The following CALD1 variants were observed in gnomAD, a reference collection of about 807,000 sequenced individuals.
CALD1 encodes caldesmon 1.
A neutral mutation model predicts 99.9 loss-of-function variants in CALD1; 33 were observed. That is an observed-to-expected ratio of 0.33 (90% confidence interval 0.25 to 0.44). CALD1 has a LOEUF of 0.44. CALD1 is among the 20% of genes least tolerant of loss of function. The pLI, the probability that CALD1 is intolerant of heterozygous loss-of-function variation, is 1.00. For missense variants in CALD1, 861 were observed against 962.1 expected (o/e 0.89, Z 1.39); for synonymous variants, 310 against 325.0 (o/e 0.95, Z 0.50).
At chr7:134,902,762 G>T (rs1803090519) in intron 3 of CALD1, among the ~76,000 whole-genome samples, 1 of 152,178 alleles carries the variant, frequency 6.6e-6, no homozygotes, top group South Asian at 2.1e-4. Flanking sequence ...ACAGTACAAG[G>T]TGCTGGAAAT....
At chr7:134,786,102 T>C (rs905690344) in intron 1 of CALD1, among the ~76,000 whole-genome samples, 3 of 152,182 alleles carry the variant, frequency 2.0e-5, no homozygotes, top group Admixed American at 1.3e-4. Flanking sequence ...TCAAGTACCA[T>C]GTTTTAGTCT....
chr7:134,912,888 G>C (rs1413683072), intron 3 of CALD1, among the ~76,000 whole-genome samples: 2 of 152,150 alleles, frequency 1.3e-5, no homozygotes, highest in Non-Finnish European at 2.9e-5. Flanking sequence ...TGCATGGTTA[G>C]TGGGGCAGAT....
chr7:134,875,076 T>G (rs1451365453), intron 3 of CALD1, among the ~76,000 whole-genome samples: 1 of 152,262 alleles, frequency 6.6e-6, no homozygotes, highest in Non-Finnish European at 1.5e-5. Flanking sequence ...AAATACGATA[T>G]TCCTTTGAAA....
chr7:134,898,961 C>T (rs531038311), intron 3 of CALD1, among the ~76,000 whole-genome samples: 1 of 152,288 alleles, frequency 6.6e-6, no homozygotes, highest in South Asian at 2.1e-4. Flanking sequence ...TCTACTCTAA[C>T]CCAGTAGATT....
chr7:134,789,377 C>G (rs1483874328), intron 1 of CALD1, among the ~76,000 whole-genome samples: 1 of 152,166 alleles, frequency 6.6e-6, no homozygotes, highest in Non-Finnish European at 1.5e-5. Flanking sequence ...TTGCTAGTTA[C>G]TCCACGTCAC....
intron 3 of CALD1, among the ~76,000 whole-genome samples, chr7:134,881,445 G>A (rs1417262084): frequency 6.6e-6 from 1 of 152,134 alleles, no homozygotes; most frequent in Non-Finnish European, 1.5e-5. Context: ...AGCAGATCAG[G>A]GCTTCCTTAT....
chr7:134,800,254 T>G (rs941648385), intron 1 of CALD1, among the ~76,000 whole-genome samples: 1 of 152,182 alleles, frequency 6.6e-6, no homozygotes, highest in African/African-American at 2.4e-5. Context: ...AAAACTTCTA[T>G]TTTTGGGCTT....
chr7:134,859,204 G>A lies in CALD1; in HGVS notation c.-41-8489G>A, dbSNP rs78723708. ...TGCACCCCCATTTTTGGGTAGTTGC[G>A]CTGGAGCCAGCCCTCCCTGTATCTG... is the stretch of plus-strand genomic sequence containing the variant. On this transcript the variant is annotated intron_variant, in intron 2 of 14. Coordinates refer to ENST00000361675, the MANE Select transcript of CALD1 (RefSeq NM_033138.4). 2.5e-3 allele frequency among the ~76,000 whole-genome samples: 374 copies of A among 152,246 alleles called. 2 individuals are homozygous for A. Among genetic ancestry groups the A allele is most frequent in the African/African-American group, 5.3e-3 (219 of 41,544 alleles).
intron 1 of CALD1, among the ~76,000 whole-genome samples, chr7:134,807,089 G>T (rs1798170094): frequency 6.6e-6 from 1 of 151,984 alleles, no homozygotes; most frequent in Non-Finnish European, 1.5e-5. Context: ...TTGTATGCAA[G>T]TGGAGAAGCA....
chr7:134,879,112 C>A (rs1284881604), intron 3 of CALD1, among the ~76,000 whole-genome samples: 1 of 152,206 alleles, frequency 6.6e-6, no homozygotes, highest in Non-Finnish European at 1.5e-5. Context: ...AACTGGCAGA[C>A]AGAAATGATG....
intron 2 of CALD1, among the ~76,000 whole-genome samples, chr7:134,861,342 G>A (rs1563050947): frequency 1.3e-5 from 2 of 152,176 alleles, no homozygotes; most frequent in African/African-American, 4.8e-5. Context: ...TCAGAGGTAG[G>A]AAATCTGCTG....
intron 13 of CALD1, 55 bp downstream of exon 13, chr7:134,960,683 G>A: frequency 8.8e-7 from 1 of 1,137,018 alleles, no homozygotes; most frequent in Admixed American, 1.8e-5. Context: ...TCTACCAGCA[G>A]AAGAAAACAA....
Position 134,959,994 on chromosome 7 carries a change from T to C in CALD1, c.2082T>C (p.Pro694=), listed in dbSNP as rs761023195. 4 of 1,613,780 alleles carry C rather than the reference T, an allele frequency of 2.5e-6. No individual in the cohort carries two copies. Among genetic ancestry groups the C allele is most frequent in the Non-Finnish European group, 3.4e-6 (4 of 1,179,948 alleles). The stretch of plus-strand genomic sequence containing the variant: ...TTCAGGGAACAAAAAGCGCAAAACC[T>C]ACAAAGCCGGCAGCCTCGGATCTTC... The part of the protein sequence containing the change: ...SAIEGTKSAK[P]TKPAASDLPV... Residue 694 remains proline, a synonymous_variant, in exon 12 of 15, where the codon CCT becomes CCC. Coordinates refer to ENST00000361675, the MANE Select transcript of CALD1 (RefSeq NM_033138.4).
chr7:134,743,559 C>T (rs758980108), upstream of CALD1, among the ~76,000 whole-genome samples: 9 of 152,104 alleles, frequency 5.9e-5, no homozygotes, highest in South Asian at 4.2e-4. Context: ...GCTGTTTTGT[C>T]GAACATCTCT....
Position 134,935,688 on chromosome 7 carries a change from G to A in CALD1, c.1309G>A (p.Gly437Arg), listed in dbSNP as rs1805915031. 6.2e-7 allele frequency: 1 copy of A among 1,604,092 alleles called. No individual in the cohort carries two copies. The highest frequency in any genetic ancestry group is 8.5e-7 in the Non-Finnish European group (1 of 1,175,798). The change falls in exon 6 of 15, where the codon GGA becomes AGA. Residue 437 changes from glycine (G) to arginine (R), a missense_variant and splice_region_variant. Physicochemically the swap from Gly to Arg is moderately radical, Grantham distance 125. This residue lies in a region of CALD1 where 293 missense variants were observed against 262.7 expected (regional missense o/e 1.12). Transcript: ENST00000361675. ...CCTTACCATTCTTGAAAATAAAAAG[G>A]GAGAAGAGAAGGGAACTAAAGTGCA... ...KLQTAVLKKQGEEKGTKVQAK... is the reference protein window; with the variant it reads ...KLQTAVLKKQREEKGTKVQAK...
At chr7:134,941,930 C>T (rs773558731) in intron 7 of CALD1, among the ~76,000 whole-genome samples, 10 of 152,144 alleles carry the variant, frequency 6.6e-5, no homozygotes, top group Admixed American at 1.3e-4. Context: ...ATCAGACAGA[C>T]GAGACCAGTA....
chr7:134,778,906 G>A (rs1796993939), upstream of CALD1, among the ~76,000 whole-genome samples: 1 of 152,142 alleles, frequency 6.6e-6, no homozygotes, highest in Non-Finnish European at 1.5e-5. Context: ...AAGCCTGTAG[G>A]ACCTTAGGTT....
In CALD1 at chr7:134,813,365, T is replaced by C. The variant is rs557720177; in HGVS notation, c.-129-30519T>C. ...GACTAGATATATTTTGACATGCTTGTATGATGATGAGAATAATCTAGTAGA... is the reference window on the plus strand; with the variant it reads ...GACTAGATATATTTTGACATGCTTGCATGATGATGAGAATAATCTAGTAGA... On this transcript the variant is annotated intron_variant, in intron 1 of 14. Transcript: ENST00000361675. Among the ~76,000 whole-genome samples the C allele has an allele frequency of 5.8e-4, 88 of 152,296 alleles. No homozygotes were observed. In the South Asian group the frequency reaches 0.016, roughly 28 times the overall value.
At chr7:134,960,389 A>G (rs1036237951) in intron 12 of CALD1, 144 bp from the exon 13 acceptor site, 2 of 665,876 alleles carry the variant, frequency 3.0e-6, no homozygotes, top group Non-Finnish European at 5.3e-6. Context: ...AGAAAACCAG[A>G]TAACATATTC....
Sources: allele counts gnomAD v4.1 joint callset (sites outside exome capture counted in the v4.1 genomes callset), GRCh38; gene constraint gnomAD v4.1.1; regional missense constraint gnomAD v4.1.1; transcripts MANE v1.5; gene names NCBI Gene and HGNC (gene_info 2026-07-23, HGNC 2026-07-21).